SLC2A13: variants seen among roughly 807,000 people sequenced by gnomAD.
The protein encoded by SLC2A13 is solute carrier family 2 member 13, also known as proton myo-inositol cotransporter.
A neutral mutation model predicts 64.4 loss-of-function variants in SLC2A13; 32 were observed. The observed-to-expected ratio is 0.50, with a 90% CI of 0.37 to 0.67. The LOEUF is 0.67. Ranked by LOEUF, SLC2A13 falls within the 30% of genes least tolerant of loss-of-function variation. The pLI, the probability that SLC2A13 is intolerant of heterozygous loss-of-function variation, is 0.00. For synonymous variants in SLC2A13, 338 were observed against 327.1 expected (o/e 1.03, Z -0.36); for missense variants, 743 against 829.2 (o/e 0.90, Z 1.28).
chr12:40,007,934 T>C (rs922338120), intron 3 of SLC2A13, among the ~76,000 whole-genome samples: 1 of 152,192 alleles, frequency 6.6e-6, no homozygotes, highest in Non-Finnish European at 1.5e-5. Flanking sequence ...ATTACTTTTA[T>C]AATATACAAT....
rs1186688640 is a variant in SLC2A13 at position 39,962,890 on chromosome 12, G to A, written c.926-11525C>T. Among the ~76,000 whole-genome samples, 3 of 152,144 alleles carry A rather than the reference G, an allele frequency of 2.0e-5. No homozygotes were observed. In the East Asian group the frequency reaches 5.8e-4, roughly 29 times the overall value. On this transcript the variant is annotated intron_variant, in intron 3 of 9. Coordinates refer to ENST00000280871, the MANE Select transcript of SLC2A13 (RefSeq NM_052885.4). ...TCCAGGTGTTTTCATAATTAAAGGTGGAAATGCATGAGAAATATATCCCAC... is the reference window on the plus strand; with the variant it reads ...TCCAGGTGTTTTCATAATTAAAGGTAGAAATGCATGAGAAATATATCCCAC...
chr12:39,993,326 C>T (rs1468224173), intron 3 of SLC2A13, among the ~76,000 whole-genome samples: 1 of 152,124 alleles, frequency 6.6e-6, no homozygotes, highest in Non-Finnish European at 1.5e-5. Context: ...TATGGCAATC[C>T]TATTTTAGAA....
At position 40,053,893 on chromosome 12, in the gene SLC2A13, T is replaced by C. The variant is rs559136864; in HGVS notation, c.557-5683A>G. On this transcript the variant is annotated intron_variant, in intron 1 of 9. Transcript: ENST00000280871. ...ATGGATTTCTAAACATGGAGCTCAC[T>C]TGTGGAAAACCTTGAACATGAAGGC... is the stretch of plus-strand genomic sequence containing the variant. Among the ~76,000 whole-genome samples, 5 of 152,320 alleles carry C rather than the reference T, an allele frequency of 3.3e-5. No individual in the cohort carries two copies. In the South Asian group the frequency reaches 8.3e-4, roughly 25 times the overall value.
intron 7 of SLC2A13, among the ~76,000 whole-genome samples, chr12:39,821,224 T>C (rs919294186): frequency 1.3e-5 from 2 of 152,026 alleles, no homozygotes; most frequent in Non-Finnish European, 2.9e-5. Flanking sequence ...CCATCCTGGC[T>C]AACACGGTGA....
chr12:39,994,747 C>G (rs28370750), intron 3 of SLC2A13, among the ~76,000 whole-genome samples: 1,895 of 152,242 alleles, frequency 0.012, 42 homozygotes, highest in African/African-American at 0.044. Context: ...GAGAAAGTAC[C>G]TTAACTTTTC....
intron 1 of SLC2A13, among the ~76,000 whole-genome samples, chr12:40,076,718 TCAC>T (rs765685314): frequency 6.6e-6 from 1 of 152,124 alleles, no homozygotes; most frequent in African/African-American, 2.4e-5. Flanking sequence ...CATTGAGAAA[TCAC>T]CACAATGCTT....
chr12:39,898,735 G>A (rs950143909), intron 4 of SLC2A13, among the ~76,000 whole-genome samples: 22 of 152,224 alleles, frequency 1.4e-4, no homozygotes, highest in Middle Eastern at 3.4e-3. Flanking sequence ...ATGTGTTCAT[G>A]GAATGGAACC....
intron 3 of SLC2A13, among the ~76,000 whole-genome samples, chr12:40,013,005 A>G (rs954023788): frequency 9.9e-5 from 15 of 152,196 alleles, no homozygotes; most frequent in African/African-American, 3.4e-4. Context: ...AAATCCTGCT[A>G]AAGACATTTA....
chr12:40,012,462 G>A (rs1947546909), intron 3 of SLC2A13, among the ~76,000 whole-genome samples: 1 of 152,198 alleles, frequency 6.6e-6, no homozygotes, highest in Admixed American at 6.5e-5. Flanking sequence ...GAAACTGGAA[G>A]TGTTTCCAGA....
At chr12:39,834,053 C>T (rs1488321902) in intron 6 of SLC2A13, among the ~76,000 whole-genome samples, 1 of 151,896 alleles carries the variant, frequency 6.6e-6, no homozygotes, top group South Asian at 2.1e-4. Context: ...TAGATCGTAC[C>T]CTTTTGTTCT....
intron 1 of SLC2A13, among the ~76,000 whole-genome samples, chr12:40,071,040 G>A (rs942988204): frequency 3.3e-5 from 5 of 152,026 alleles, no homozygotes; most frequent in African/African-American, 1.2e-4. Context: ...TCTTACCTAG[G>A]GACAACTGTC....
intron 4 of SLC2A13, among the ~76,000 whole-genome samples, chr12:39,911,138 T>C (rs1367510297): frequency 6.6e-6 from 1 of 151,948 alleles, no homozygotes; most frequent in Non-Finnish European, 1.5e-5. Flanking sequence ...CATCAATCTC[T>C]CAAGAGCTTA....
intron 7 of SLC2A13, among the ~76,000 whole-genome samples, chr12:39,821,090 G>A (rs1194315812): frequency 6.6e-6 from 1 of 151,898 alleles, no homozygotes; most frequent in Admixed American, 6.6e-5. Context: ...ACTATTATTT[G>A]TTCAATGGTT....
At chr12:39,976,100 T>A (rs1012912653) in intron 3 of SLC2A13, among the ~76,000 whole-genome samples, 6 of 152,206 alleles carry the variant, frequency 3.9e-5, no homozygotes, top group African/African-American at 1.4e-4. Flanking sequence ...CTAATGGGGC[T>A]GAAAACAGAC....
At chr12:39,980,797 T>C (rs1591975559) in intron 3 of SLC2A13, among the ~76,000 whole-genome samples, 1 of 151,982 alleles carries the variant, frequency 6.6e-6, no homozygotes, top group Non-Finnish European at 1.5e-5. Flanking sequence ...TACCCAGGAA[T>C]TGAACTCAGC....
chr12:39,788,064 C>T (rs1481133874), intron 7 of SLC2A13, among the ~76,000 whole-genome samples: 1 of 152,100 alleles, frequency 6.6e-6, no homozygotes, highest in Admixed American at 6.5e-5. Flanking sequence ...ATTACTCATA[C>T]TTGTTGTGGG....
Position 39,880,189 on chromosome 12 carries a change from C to A in SLC2A13, c.1035-8228G>T, listed in dbSNP as rs564152634. On this transcript the variant is annotated intron_variant, in intron 4 of 9. Coordinates refer to ENST00000280871, the MANE Select transcript of SLC2A13 (RefSeq NM_052885.4). ...CATGCTTCCTGTAAAGTTTGTAGAA[C>A]CATAAGCCAAGTAAATCTCTTTTCT... 2.6e-5 allele frequency among the ~76,000 whole-genome samples: 4 copies of A among 152,250 alleles called. No individual in the cohort carries two copies. The South Asian group carries it at 8.3e-4, about 32-fold the overall frequency.
intron 6 of SLC2A13, among the ~76,000 whole-genome samples, chr12:39,842,306 T>G (rs1478282794): frequency 1.3e-5 from 2 of 152,084 alleles, no homozygotes; most frequent in Non-Finnish European, 2.9e-5. Context: ...GCAGGAGCAT[T>G]CCTGTTTCAC....
chr12:40,049,487 G>C (rs76327827), intron 1 of SLC2A13, among the ~76,000 whole-genome samples: 3 of 152,120 alleles, frequency 2.0e-5, no homozygotes, highest in Non-Finnish European at 2.9e-5. Flanking sequence ...TTTCTCTATG[G>C]TCTCAGTAAC....
Sources: allele counts gnomAD v4.1 joint callset (sites outside exome capture counted in the v4.1 genomes callset), GRCh38; gene constraint gnomAD v4.1.1; transcripts MANE v1.5; gene names NCBI Gene and HGNC (gene_info 2026-07-23, HGNC 2026-07-21).